The following SH2B2 variants were observed in gnomAD, a reference collection of about 807,000 sequenced individuals.
SH2B2 encodes SH2B adaptor protein 2, also known as SH2B adapter protein 2.
In SH2B2, 37 loss-of-function variants were observed where a neutral mutation model predicts 35.7. The observed-to-expected ratio is 1.04, with a 90% CI of 0.80 to 1.36. The LOEUF (loss-of-function observed/expected upper bound fraction) is 1.36, where lower values mean the gene tolerates loss of function less well. Ranked by LOEUF, SH2B2 falls within the 40% of genes most tolerant of loss-of-function variation. The pLI, the probability that SH2B2 is intolerant of heterozygous loss-of-function variation, is 0.00. For synonymous variants in SH2B2, 383 were observed against 376.4 expected (o/e 1.02, Z -0.20); for missense variants, 852 against 817.7 (o/e 1.04, Z -0.51).
chr7:102,292,909 G>A (rs1792730808), intron 1 of SH2B2, among the ~76,000 whole-genome samples: 1 of 152,158 alleles, frequency 6.6e-6, no homozygotes, highest in Non-Finnish European at 1.5e-5. Context: ...GCAGCCTTTT[G>A]AGGTGCTGCA....
intron 2 of SH2B2, among the ~76,000 whole-genome samples, chr7:102,303,631 T>C (rs1038443908): frequency 6.6e-6 from 1 of 152,164 alleles, no homozygotes; most frequent in Non-Finnish European, 1.5e-5. Context: ...CCCAGGCCCC[T>C]GCCTTTAATT....
At position 102,318,864 on chromosome 7, in the gene SH2B2, C is replaced by T. The variant is rs115225186; in HGVS notation, c.1396-1467C>T. Among the ~76,000 whole-genome samples the T allele has an allele frequency of 4.0e-3, 605 of 152,322 alleles. 7 individuals are homozygous for T. The highest frequency in any genetic ancestry group is 0.014 in the African/African-American group (576 of 41,570). On this transcript the variant is annotated intron_variant, in intron 7 of 8. Transcript: ENST00000444095. The stretch of plus-strand genomic sequence containing the variant: ...GCCATCCCTGGTGACGTGCAATTTA[C>T]TTCTCAGCCAGTGCTGCTCCAGGCA...
At chr7:102,295,518 G>A (rs909130) in intron 1 of SH2B2, among the ~76,000 whole-genome samples, 4 of 152,126 alleles carry the variant, frequency 2.6e-5, no homozygotes, top group South Asian at 2.1e-4. Flanking sequence ...GTGTGTTCCC[G>A]TCTCCACCCC....
At chr7:102,299,060 C>T (rs1377775915) in intron 1 of SH2B2, among the ~76,000 whole-genome samples, 3 of 149,160 alleles carry the variant, frequency 2.0e-5, no homozygotes, top group Non-Finnish European at 4.4e-5. Context: ...CCCCCACGCC[C>T]GGCTAATTTT....
chr7:102,286,143 A>G (rs548779156), upstream of SH2B2, among the ~76,000 whole-genome samples: 356 of 152,252 alleles, frequency 2.3e-3, 5 homozygotes, highest in South Asian at 0.036. Flanking sequence ...TCGCCCCTCT[A>G]TGATCTCTGA....
At chr7:102,303,986 G>A (rs1278620468) in intron 2 of SH2B2, among the ~76,000 whole-genome samples, 1 of 152,174 alleles carries the variant, frequency 6.6e-6, no homozygotes, top group Admixed American at 6.5e-5. Context: ...AAAGGTGGGG[G>A]CATTTGTGGG....
chr7:102,321,470 C>CCGCCCCCCCG lies in SH2B2; in HGVS notation c.1746_1755dup (p.Val586ProfsTer?), dbSNP rs1794081129. 23 of 1,198,394 alleles carry CCGCCCCCCCG rather than the reference C, an allele frequency of 1.9e-5. No individual in the cohort carries two copies. Among genetic ancestry groups the CCGCCCCCCCG allele is most frequent in the Admixed American group, 4.6e-5 (1 of 21,626 alleles). The allele number at this position is 1,198,394 out of a possible 1,614,324, so 74.2% of individuals were successfully genotyped here. A position where few individuals can be genotyped will look rare whatever the true frequency, so the allele number is the denominator to read the frequency against. On this transcript the variant is annotated frameshift_variant, in exon 9 of 9. Coordinates refer to ENST00000444095, the MANE Select transcript of SH2B2 (RefSeq NM_001359228.2). LOFTEE classifies it low-confidence loss of function (END_TRUNC). ...TCGTCGTCCTCTGCCGCGTCGGGGC[C>CCGCCCCCCCG]CGCCCCCCCGCGCCCCGTCGAGGGC...
At chr7:102,289,962 T>C (rs1349630307) in intron 1 of SH2B2, among the ~76,000 whole-genome samples, 1 of 152,058 alleles carries the variant, frequency 6.6e-6, no homozygotes, top group Non-Finnish European at 1.5e-5. Context: ...CACTGGGTGC[T>C]CCTGAAGGAG....
rs1236146099 is a variant in SH2B2, at chr7:102,321,282, C to A, written c.1568-17C>A. On this transcript the variant is annotated splice_polypyrimidine_tract_variant and intron_variant, in intron 8 of 8. Coordinates refer to ENST00000444095, the MANE Select transcript of SH2B2 (RefSeq NM_001359228.2). ...AGCCCAGGTCCCCACTCACGCCCTGCCGTCGCCTTGTTGCAGAGCCGGGCC... is the reference window on the plus strand; with the variant it reads ...AGCCCAGGTCCCCACTCACGCCCTGACGTCGCCTTGTTGCAGAGCCGGGCC... The A allele has an allele frequency of 1.2e-5, 17 of 1,367,260 alleles. No homozygotes were observed. Among genetic ancestry groups the A allele is most frequent in the Non-Finnish European group, 1.6e-5 (17 of 1,066,644 alleles). 84.7% of individuals were successfully genotyped at this position (1,367,260 alleles called of 1,614,324 possible).
At chr7:102,299,979 G>A (rs1372232429) in intron 1 of SH2B2, among the ~76,000 whole-genome samples, 1 of 152,172 alleles carries the variant, frequency 6.6e-6, no homozygotes, top group African/African-American at 2.4e-5. Flanking sequence ...GTGCAGTGGC[G>A]CAATCTCGGC....
At chr7:102,313,838 G>A (rs1793715546) in intron 4 of SH2B2, among the ~76,000 whole-genome samples, 1 of 151,974 alleles carries the variant, frequency 6.6e-6, no homozygotes, top group South Asian at 2.1e-4. Flanking sequence ...CTTGAACCCA[G>A]GAGGCAGAGG....
chr7:102,308,335 T>G (rs1554555274), intron 3 of SH2B2, among the ~76,000 whole-genome samples: 1 of 152,226 alleles, frequency 6.6e-6, no homozygotes, highest in Non-Finnish European at 1.5e-5. Context: ...TCCTGCCCTC[T>G]TCCCCTTCAG....
chr7:102,302,976 G>A (rs1331485774), intron 2 of SH2B2, among the ~76,000 whole-genome samples: 2 of 152,162 alleles, frequency 1.3e-5, no homozygotes, highest in Admixed American at 1.3e-4. Context: ...GCTCATGCCT[G>A]TAATCCCAGC....
intron 4 of SH2B2, among the ~76,000 whole-genome samples, chr7:102,312,981 C>T (rs1471430404): frequency 1.3e-5 from 2 of 150,646 alleles, no homozygotes; most frequent in East Asian, 3.9e-4. Context: ...AATACAAAAT[C>T]AGCCGGGCGT....
chr7:102,295,918 G>A lies in SH2B2; in HGVS notation c.-29-4604G>A, dbSNP rs369491404. Among the ~76,000 whole-genome samples, 31 of 152,194 alleles carry A rather than the reference G, an allele frequency of 2.0e-4. 2 individuals are homozygous for A. The highest frequency in any genetic ancestry group is 1.7e-3 in the East Asian group (9 of 5,184). ...ACCACTACCCAACTGCCAATGTCCT[G>A]ATAAGTCCTGCCCCCAACTCATTGT... is the stretch of plus-strand genomic sequence containing the variant. On this transcript the variant is annotated intron_variant, in intron 1 of 8. Transcript: ENST00000444095.
At chr7:102,299,986 C>T (rs929043911) in intron 1 of SH2B2, among the ~76,000 whole-genome samples, 11 of 152,222 alleles carry the variant, frequency 7.2e-5, no homozygotes, top group African/African-American at 2.4e-4. Context: ...GGCGCAATCT[C>T]GGCTCACTGC....
At chr7:102,316,806 G>C (rs1347777607) in intron 6 of SH2B2, among the ~76,000 whole-genome samples, 1 of 152,036 alleles carries the variant, frequency 6.6e-6, no homozygotes, top group Non-Finnish European at 1.5e-5. Flanking sequence ...ATCATCTGAG[G>C]TCAGGAGTTT....
In SH2B2 at chr7:102,297,280, C is replaced by T. The variant is rs1464047999; in HGVS notation, c.-29-3242C>T. ...TAGATCCAAAAAAAATGTAGCGGGCCAGGTGCAAGTGGCTCGTGCCTGTAA... is the reference window on the plus strand; with the variant it reads ...TAGATCCAAAAAAAATGTAGCGGGCTAGGTGCAAGTGGCTCGTGCCTGTAA... On this transcript the variant is annotated intron_variant, in intron 1 of 8. Coordinates refer to ENST00000444095, the MANE Select transcript of SH2B2 (RefSeq NM_001359228.2). This position sits in a 1 kb window ranked among gnomAD's most constrained non-coding sequence, Gnocchi z 4.3. Among the ~76,000 whole-genome samples the T allele has an allele frequency of 1.3e-5, 2 of 151,942 alleles. No homozygotes were observed. Among genetic ancestry groups the T allele is most frequent in the Non-Finnish European group, 2.9e-5 (2 of 68,006 alleles).
intron 4 of SH2B2, among the ~76,000 whole-genome samples, chr7:102,311,789 G>A (rs1185455225): frequency 6.6e-6 from 1 of 152,132 alleles, no homozygotes; most frequent in Non-Finnish European, 1.5e-5. Flanking sequence ...CAAAGATACA[G>A]GGGAGGGCTG....
Sources: allele counts gnomAD v4.1 joint callset (sites outside exome capture counted in the v4.1 genomes callset), GRCh38; gene constraint gnomAD v4.1.1; non-coding constraint Gnocchi (gnomAD v3.1); transcripts MANE v1.5; gene names NCBI Gene and HGNC (gene_info 2026-07-23, HGNC 2026-07-21).